Variants in GPM6A observed in about 807,000 individuals in gnomAD.
The protein encoded by GPM6A is neuronal membrane glycoprotein M6-a.
Under a neutral mutation model 32.1 loss-of-function variants are expected in GPM6A, and 7 were observed. The observed-to-expected ratio is 0.22, with a 90% CI of 0.12 to 0.41. GPM6A has a LOEUF of 0.41. GPM6A is among the 10% of genes least tolerant of loss of function. GPM6A has a pLI of 1.00. For synonymous variants in GPM6A, 130 were observed against 123.4 expected, an observed-to-expected ratio of 1.05 and a Z score of -0.35; for missense variants, 235 against 347.2, an observed-to-expected ratio of 0.68 and a Z score of 2.57.
At chr4:175,768,656 G>C (rs888314354) in intron 1 of GPM6A, among the ~76,000 whole-genome samples, 2 of 152,092 alleles carry the variant, frequency 1.3e-5, no homozygotes, top group East Asian at 3.9e-4. Flanking sequence ...AGTAGTTTAT[G>C]CATTTTTAGT....
At chr4:175,988,034 T>A (rs1741031497) in intron 1 of GPM6A, among the ~76,000 whole-genome samples, 1 of 152,148 alleles carries the variant, frequency 6.6e-6, no homozygotes, top group African/African-American at 2.4e-5. Flanking sequence ...AGTAGTAGAA[T>A]TTAATACAAA....
chr4:175,906,838 AAC>A (rs1359316803), intron 1 of GPM6A: 10 of 152,252 alleles, frequency 6.6e-5, no homozygotes. Flanking sequence ...AGAAGTAAGG[AAC>A]ATTATCAGCC....
chr4:175,724,480 G>A (rs946348509), intron 1 of GPM6A, among the ~76,000 whole-genome samples: 1 of 152,180 alleles, frequency 6.6e-6, no homozygotes, highest in African/African-American at 2.4e-5. Context: ...AGAAGGCGGA[G>A]GTTGCAGTAA....
intron 1 of GPM6A, among the ~76,000 whole-genome samples, chr4:175,819,701 T>C (rs968494399): frequency 2.0e-5 from 3 of 152,170 alleles, no homozygotes; most frequent in Non-Finnish European, 2.9e-5. Flanking sequence ...CAAAGCCCAT[T>C]CTTTGAACCA....
intron 1 of GPM6A, among the ~76,000 whole-genome samples, chr4:175,704,956 A>C (rs966575794): frequency 1.3e-5 from 2 of 152,208 alleles, no homozygotes; most frequent in Non-Finnish European, 2.9e-5. Flanking sequence ...ATGACTGATC[A>C]CCAAAACCAC....
At chr4:175,932,998 A>C (rs1561000190) in intron 1 of GPM6A, among the ~76,000 whole-genome samples, 1 of 152,090 alleles carries the variant, frequency 6.6e-6, no homozygotes, top group Non-Finnish European at 1.5e-5. Flanking sequence ...ACCACAAATA[A>C]AAATGTAAAT....
chr4:175,914,565 T>A (rs547747157), intron 1 of GPM6A, among the ~76,000 whole-genome samples: 1 of 152,286 alleles, frequency 6.6e-6, no homozygotes, highest in South Asian at 2.1e-4. Context: ...TCAAGTGATC[T>A]GCCCGCCTTG....
intron 1 of GPM6A, among the ~76,000 whole-genome samples, chr4:175,836,411 C>G (rs927370053): frequency 1.3e-5 from 2 of 152,014 alleles, no homozygotes; most frequent in Admixed American, 1.3e-4. Flanking sequence ...AATATCTGCC[C>G]TCTTGGAGAT....
chr4:175,749,622 A>T lies in GPM6A; in HGVS notation c.38-47855T>A, dbSNP rs898183788. 2.0e-5 allele frequency among the ~76,000 whole-genome samples: 3 copies of T among 152,180 alleles called. No homozygotes were observed. In the East Asian group the frequency reaches 5.8e-4, roughly 29 times the overall value. On this transcript the variant is annotated intron_variant, in intron 1 of 6. Transcript: ENST00000393658. ...TTTGATATGTTTCATTTCTCTGCTC[A>T]AATATCGAAGCAGGGTATAACTTTA...
Position 175,634,592 on chromosome 4 carries a change from G to T in GPM6A, c.*313C>A, listed in dbSNP as rs1740471760. ...TGTTATGTATAACACATGGGAAGTGGTTAAAAATCAAACAAATCTTTGCAT... is the reference window on the plus strand; with the variant it reads ...TGTTATGTATAACACATGGGAAGTGTTTAAAAATCAAACAAATCTTTGCAT... On this transcript the variant is annotated 3_prime_UTR_variant, in exon 7 of 7. Coordinates refer to ENST00000393658, the MANE Select transcript of GPM6A (RefSeq NM_201591.3). 3.8e-6 allele frequency: 1 copy of T among 260,444 alleles called. No homozygotes were observed. The highest frequency in any genetic ancestry group is 5.2e-5 in the Admixed American group (1 of 19,240). 16.1% of individuals were successfully genotyped at this position (260,444 alleles called of 1,614,324 possible). A position where few individuals can be genotyped will look rare whatever the true frequency, so the allele number is the denominator to read the frequency against.
chr4:175,920,135 T>A (rs1738619101), intron 1 of GPM6A, among the ~76,000 whole-genome samples: 1 of 152,230 alleles, frequency 6.6e-6, no homozygotes, highest in Non-Finnish European at 1.5e-5. Context: ...TCTATGCTTG[T>A]GAACAGAAGG....
At chr4:175,669,964 G>A (rs1742961235) in intron 3 of GPM6A, among the ~76,000 whole-genome samples, 1 of 151,952 alleles carries the variant, frequency 6.6e-6, no homozygotes, top group Non-Finnish European at 1.5e-5. Context: ...CCAGAAGGTA[G>A]GGGAGAAACA....
At chr4:175,654,175 A>G (rs1157712722) in intron 3 of GPM6A, 3 of 152,218 alleles carry the variant, frequency 2.0e-5, no homozygotes, top group African/African-American at 7.2e-5. Flanking sequence ...TGCAAGAGGT[A>G]GAAACCTATC....
intron 4 of GPM6A, among the ~76,000 whole-genome samples, chr4:175,647,533 ATAAATT>A (rs1741529537): frequency 6.6e-6 from 1 of 152,234 alleles, no homozygotes; most frequent in South Asian, 2.1e-4. Flanking sequence ...TTCGAAATGC[ATAAATT>A]TATTACATGC....
chr4:175,701,525 A>C, intron 2 of GPM6A, 50 bp downstream of exon 2: 5 of 1,316,618 alleles, frequency 3.8e-6, no homozygotes, highest in Non-Finnish European at 5.5e-6. Flanking sequence ...TAACACATAG[A>C]AGTGTAAATA....
intron 1 of GPM6A, among the ~76,000 whole-genome samples, chr4:175,828,517 C>T (rs1478572573): frequency 6.6e-6 from 1 of 152,128 alleles, no homozygotes; most frequent in African/African-American, 2.4e-5. Context: ...CTGCTGTTTA[C>T]AAACAAAATA....
intron 1 of GPM6A, among the ~76,000 whole-genome samples, chr4:175,882,700 C>T (rs984199553): frequency 6.6e-6 from 1 of 151,988 alleles, no homozygotes; most frequent in Admixed American, 6.6e-5. Context: ...ATGTAAAAAA[C>T]TGTAGGGAAC....
chr4:175,737,036 T>G (rs1169403336), intron 1 of GPM6A, among the ~76,000 whole-genome samples: 2 of 152,176 alleles, frequency 1.3e-5, no homozygotes, highest in African/African-American at 4.8e-5. Context: ...TGTTACTGGT[T>G]TATGTATTGA....
chr4:175,705,077 T>C (rs1387718438), intron 1 of GPM6A, among the ~76,000 whole-genome samples: 1 of 152,226 alleles, frequency 6.6e-6, no homozygotes, highest in Non-Finnish European at 1.5e-5. Context: ...CACTATGCTC[T>C]ACAGCTGCAA....
Sources: allele counts gnomAD v4.1 joint callset (sites outside exome capture counted in the v4.1 genomes callset), GRCh38; gene constraint gnomAD v4.1.1; transcripts MANE v1.5; gene names NCBI Gene and HGNC (gene_info 2026-07-23, HGNC 2026-07-21).